The following TUSC3 variants were observed in gnomAD, a reference collection of about 807,000 sequenced individuals.
TUSC3 encodes tumor suppressor candidate 3.
Under a neutral mutation model 44.8 loss-of-function variants are expected in TUSC3, and 45 were observed. The ratio of observed to expected loss-of-function variants is 1.00; its 90% CI spans 0.79 to 1.29. TUSC3 has a LOEUF of 1.29. Among genes scored for constraint, TUSC3 ranks in the 50% most tolerant of loss-of-function variants. The pLI is 0.00. For synonymous variants in TUSC3, 212 were observed against 152.9 expected (o/e 1.39, Z -2.85); for missense variants, 519 against 437.9 (o/e 1.19, Z -1.65).
At chr8:15,715,496 G>A (rs540338103) in intron 6 of TUSC3, among the ~76,000 whole-genome samples, 8 of 151,998 alleles carry the variant, frequency 5.3e-5, no homozygotes, top group African/African-American at 4.8e-5. Flanking sequence ...GGCATGATTC[G>A]CAGCCCAAGG....
intron 10 of TUSC3, among the ~76,000 whole-genome samples, chr8:15,763,719 A>G (rs1156518834): frequency 6.6e-6 from 1 of 152,080 alleles, no homozygotes; most frequent in Non-Finnish European, 1.5e-5. Context: ...TTCATCAGAA[A>G]TTTTATGATT....
intron 10 of TUSC3, chr8:15,758,175 T>C (rs1812011536): frequency 9.3e-7 from 1 of 1,071,204 alleles, no homozygotes; most frequent in Non-Finnish European, 1.1e-6. Context: ...TCAACAAATA[T>C]ATTTCATTCT....
intron 6 of TUSC3, among the ~76,000 whole-genome samples, chr8:15,695,543 C>A (rs911895196): frequency 6.6e-6 from 1 of 151,956 alleles, no homozygotes; most frequent in African/African-American, 2.4e-5. Flanking sequence ...TGGAGTGGGG[C>A]GATGCTGAAA....
At chr8:15,537,170 T>C (rs1423296449), upstream of TUSC3, among the ~76,000 whole-genome samples, 1 of 151,964 alleles carries the variant, frequency 6.6e-6, no homozygotes, top group African/African-American at 2.4e-5. Flanking sequence ...TCTGAGAGAT[T>C]GCTCTGCACA....
Position 15,421,265 on chromosome 8 carries a change from C to T in TUSC3, n.91+3960C>T, listed in dbSNP as rs569443484. Among the ~76,000 whole-genome samples, 3 of 152,302 alleles carry T rather than the reference C, an allele frequency of 2.0e-5. No individual in the cohort carries two copies. The South Asian group carries it at 6.2e-4, about 32-fold the overall frequency. On this transcript the variant is annotated intron_variant and non_coding_transcript_variant, in intron 1 of 5. Coordinates refer to the TUSC3 transcript ENST00000503191. ...CATTCAAAGTAAAAGCCAAACTCCT[C>T]ACCATGGCCTACCAGGCCCTATCAC...
chr8:15,795,897 C>T, the TUSC3 span, among the ~76,000 whole-genome samples: 1 of 152,202 alleles, frequency 6.6e-6, no homozygotes, highest in Admixed American at 6.5e-5. Flanking sequence ...GTCTACCCCC[C>T]AGAATGCCAC....
At chr8:15,747,326 A>G (rs1293960474) in intron 8 of TUSC3, among the ~76,000 whole-genome samples, 2 of 152,030 alleles carry the variant, frequency 1.3e-5, no homozygotes, top group African/African-American at 4.8e-5. Context: ...AATATTTTTC[A>G]AATTGTTTAG....
the TUSC3 span, among the ~76,000 whole-genome samples, chr8:15,801,410 G>C: frequency 6.6e-6 from 1 of 152,136 alleles, no homozygotes; most frequent in African/African-American, 2.4e-5. Flanking sequence ...TGCTGAAGCT[G>C]TCATATTTGT....
At chr8:15,849,916 G>A in the TUSC3 span, among the ~76,000 whole-genome samples, 1 of 152,098 alleles carries the variant, frequency 6.6e-6, no homozygotes, top group Non-Finnish European at 1.5e-5. Flanking sequence ...GGAAAATAAA[G>A]ACAAGGGAAG....
At chr8:15,470,083 T>C (rs1800466847) in intron 1 of TUSC3, among the ~76,000 whole-genome samples, 1 of 149,670 alleles carries the variant, frequency 6.7e-6, no homozygotes, top group Admixed American at 6.8e-5. Context: ...TAGGAAAACC[T>C]CGTCCCTACA....
intron 1 of TUSC3, among the ~76,000 whole-genome samples, chr8:15,455,292 G>T (rs909349929): frequency 1.3e-5 from 2 of 152,124 alleles, no homozygotes; most frequent in African/African-American, 4.8e-5. Flanking sequence ...TGTTTCGGGA[G>T]GCAAGAGAAA....
At chr8:15,433,454 TA>T (rs1799903687) in intron 1 of TUSC3, among the ~76,000 whole-genome samples, 1 of 152,156 alleles carries the variant, frequency 6.6e-6, no homozygotes, top group Non-Finnish European at 1.5e-5. Flanking sequence ...ATGTCATGGA[TA>T]ACCACTCAAC....
At chr8:15,804,070 C>T in the TUSC3 span, among the ~76,000 whole-genome samples, 30 of 152,014 alleles carry the variant, frequency 2.0e-4, no homozygotes, top group South Asian at 2.1e-4. Flanking sequence ...TATTCAGTAA[C>T]GGGATTGCTG....
At chr8:15,532,032 C>T (rs1457238802) in intron 2 of TUSC3, among the ~76,000 whole-genome samples, 1 of 152,136 alleles carries the variant, frequency 6.6e-6, no homozygotes, top group Admixed American at 6.5e-5. Flanking sequence ...AATTATATGG[C>T]TTGATAAAAT....
rs1053663118 is a variant in TUSC3, at chr8:15,521,962, G to A, written n.189+38479G>A. 7.9e-5 allele frequency among the ~76,000 whole-genome samples: 12 copies of A among 152,302 alleles called. No homozygotes were observed. The East Asian group carries it at 1.5e-3, about 20-fold the overall frequency. ...AACCACAATTACTTTTGCAGCAAAC[G>A]AATAGCTGCTCTTCTAGGTAACTCA... On this transcript the variant is annotated intron_variant and non_coding_transcript_variant, in intron 2 of 5. Transcript: ENST00000503191.
At chr8:15,825,750 C>A in the TUSC3 span, among the ~76,000 whole-genome samples, 1 of 149,160 alleles carries the variant, frequency 6.7e-6, no homozygotes, top group African/African-American at 2.5e-5. Context: ...GCAGAGATTA[C>A]CTCCTATGCA....
intron 3 of TUSC3, 126 bp from the exon 4 acceptor site, chr8:15,659,378 ACCT>A (rs1807319023): frequency 8.8e-7 from 1 of 1,137,780 alleles, no homozygotes; most frequent in Non-Finnish European, 1.2e-6. Context: ...ACAGAAATTT[ACCT>A]CTGGAAAACC....
Position 15,646,662 on chromosome 8 carries a change from G to A in TUSC3, c.309-4035G>A, listed in dbSNP as rs186351171. Among the ~76,000 whole-genome samples, 9 of 151,984 alleles carry A rather than the reference G, an allele frequency of 5.9e-5. No individual in the cohort carries two copies. In the East Asian group the frequency reaches 1.7e-3, roughly 29 times the overall value. On this transcript the variant is annotated intron_variant, in intron 2 of 10. Coordinates refer to ENST00000503731, the MANE Select transcript of TUSC3 (RefSeq NM_006765.4). Reference sequence around the variant, plus strand: ...AATATTTTAATCAAAACAATGTTATGTGCTTCTTGTTTATAAAAAAGAACT... The same window carrying A: ...AATATTTTAATCAAAACAATGTTATATGCTTCTTGTTTATAAAAAAGAACT...
intron 6 of TUSC3, among the ~76,000 whole-genome samples, chr8:15,683,243 T>C (rs1443011741): frequency 6.6e-6 from 1 of 152,210 alleles, no homozygotes; most frequent in Non-Finnish European, 1.5e-5. Context: ...TCAAATATGT[T>C]TTCCATGTTT....
Sources: gnomAD v4.1 joint callset for allele counts (sites outside exome capture counted in the v4.1 genomes callset) on GRCh38, gnomAD v4.1.1 for gene constraint, MANE v1.5 for transcripts, NCBI Gene and HGNC (gene_info 2026-07-23, HGNC 2026-07-21) for gene names.